OVCH2: variants seen among roughly 807,000 people sequenced by gnomAD.
The protein encoded by OVCH2 is ovochymase-2.
Under a neutral mutation model 73.7 loss-of-function variants are expected in OVCH2, and 88 were observed. That is an observed-to-expected ratio of 1.19 (90% CI 1.01 to 1.43). OVCH2 has a LOEUF of 1.43. Among genes scored for constraint, OVCH2 ranks in the 40% most tolerant of loss-of-function variants. OVCH2 has a pLI of 0.00. For missense variants in OVCH2, 706 were observed against 674.5 expected, an observed-to-expected ratio of 1.05 and a Z score of -0.52; for synonymous variants, 265 against 234.5, an observed-to-expected ratio of 1.13 and a Z score of -1.19.
the OVCH2 span, among the ~76,000 whole-genome samples, chr11:7,681,853 C>CAAAAA: frequency 4.3e-5 from 4 of 93,006 alleles, no homozygotes; most frequent in Non-Finnish European, 7.0e-5. Context: ...GGGAAATGTC[C>CAAAAA]AAAAAAAAAA....
chr11:7,695,304 C>G lies in OVCH2; in HGVS notation c.1283-116G>C, dbSNP rs565085418. The stretch of plus-strand genomic sequence containing the variant: ...ATATCAATTGCATTTTCAGACACTG[C>G]GAACAAGAAAAGACGTAGTGCATGA... On this transcript the variant is annotated intron_variant, in intron 11 of 15. Transcript: ENST00000533663. 5.2e-5 allele frequency: 66 copies of G among 1,278,938 alleles called. No homozygotes were observed. In the East Asian group the frequency reaches 1.4e-3, roughly 27 times the overall value. The allele number at this position is 1,278,938 out of a possible 1,614,324, so 79.2% of individuals were successfully genotyped here. A position where few individuals can be genotyped will look rare whatever the true frequency, so the allele number is the denominator to read the frequency against.
Position 7,696,807 on chromosome 11 carries a change from G to A in OVCH2, c.926-8C>T, listed in dbSNP as rs917218283. Reference sequence around the variant, plus strand: ...CCTGCTCACTGCACCAGGCTGGGAGGGAAAGCCAGGAGAGTCAGGGTTAGT... The same window carrying A: ...CCTGCTCACTGCACCAGGCTGGGAGAGAAAGCCAGGAGAGTCAGGGTTAGT... On this transcript the variant is annotated splice_region_variant and splice_polypyrimidine_tract_variant and intron_variant, in intron 8 of 15. Transcript: ENST00000533663. The A allele has an allele frequency of 1.9e-6, 3 of 1,600,648 alleles. No individual in the cohort carries two copies. Among genetic ancestry groups the A allele is most frequent in the South Asian group, 1.1e-5 (1 of 88,796 alleles).
chr11:7,698,312 T>C (rs889203860), intron 8 of OVCH2, among the ~76,000 whole-genome samples: 1 of 152,232 alleles, frequency 6.6e-6, no homozygotes, highest in African/African-American at 2.4e-5. Flanking sequence ...AGAGACCATC[T>C]GGCCCACACT....
At chr11:7,692,457 T>C (rs1384823934) in intron 12 of OVCH2, among the ~76,000 whole-genome samples, 1 of 152,214 alleles carries the variant, frequency 6.6e-6, no homozygotes, top group African/African-American at 2.4e-5. Flanking sequence ...CGTGTCTTTC[T>C]ACCCAGCGGG....
At position 7,701,818 on chromosome 11, in the gene OVCH2, A is replaced by G; in HGVS notation, c.464-7T>C. ...ATGGGCCCCACAAAGTGGCCTGAAG[A>G]AAAGAGCAAGGTAGGGCTTGTCTCA... On this transcript the variant is annotated splice_region_variant and splice_polypyrimidine_tract_variant and intron_variant, in intron 4 of 15. Transcript: ENST00000533663. The G allele has an allele frequency of 1.2e-6, 2 of 1,604,882 alleles. No homozygotes were observed. The highest frequency in any genetic ancestry group is 1.7e-6 in the Non-Finnish European group (2 of 1,175,314).
Position 7,689,994 on chromosome 11 carries a change from G to GAATCA in OVCH2, c.1658_1659insTGATT (p.Ser554AspfsTer31). ...ACATTGATTCATCCTCTGATATGGAGATGTTTAAATCTGGGTATACTGGGT... is the reference window on the plus strand; with the variant it reads ...ACATTGATTCATCCTCTGATATGGAGAATCAATGTTTAAATCTGGGTATACTGGGT... On this transcript the variant is annotated frameshift_variant, in exon 15 of 16. Coordinates refer to ENST00000533663, the MANE Select transcript of OVCH2 (RefSeq NM_198185.7). LOFTEE classifies it high-confidence loss of function. 1 of 1,524,696 alleles carries GAATCA rather than the reference G, an allele frequency of 6.6e-7. No individual in the cohort carries two copies. Among genetic ancestry groups the GAATCA allele is most frequent in the Non-Finnish European group, 8.8e-7 (1 of 1,136,644 alleles). The allele number at this position is 1,524,696 out of a possible 1,614,324, so 94.4% of individuals were successfully genotyped here.
chr11:7,696,434 T>G, intron 10 of OVCH2, 31 bp downstream of exon 10: 1 of 1,613,394 alleles, frequency 6.2e-7, no homozygotes. Context: ...TTGGCACTGG[T>G]TTCCATTTGA....
the OVCH2 span, among the ~76,000 whole-genome samples, chr11:7,680,053 A>G: frequency 6.6e-6 from 1 of 151,810 alleles, no homozygotes; most frequent in African/African-American, 2.4e-5. Flanking sequence ...AAAATGATCA[A>G]CATAACTAAC....
At position 7,700,485 on chromosome 11, in the gene OVCH2, C is replaced by T. The variant is rs1363437445; in HGVS notation, c.712G>A (p.Gly238Arg). 1.3e-6 allele frequency: 2 copies of T among 1,598,766 alleles called. No homozygotes were observed. The highest frequency in any genetic ancestry group is 1.7e-5 in the Admixed American group (1 of 57,518). ...FPDGGRDACQGDSGGSLMCRN... is the reference protein window; with the variant it reads ...FPDGGRDACQRDSGGSLMCRN... ...CACATGAGTGAACCTCCTGAATCTCCCTGCAGAGGGAAAAAGCCTCTATTA... is the reference window on the plus strand; with the variant it reads ...CACATGAGTGAACCTCCTGAATCTCTCTGCAGAGGGAAAAAGCCTCTATTA... Residue 238 changes from glycine to arginine, a missense_variant and splice_region_variant, in exon 7 of 16, where the codon GGA becomes AGA. By Grantham distance (125) the Gly-to-Arg change is moderately radical (BLOSUM62 -2). Transcript: ENST00000533663.
rs960576778 is a variant in OVCH2 at position 7,695,613 on chromosome 11, C to T, written c.1239G>A (p.Gly413=). ...TAAGAGCTTTATAGGTAAGATTAAA[C>T]CCAGCTGCATTATCTGTGGCATCAG... ...FVSDATDNAA[G]FNLTYKALKP... The change falls in exon 11 of 16, where the codon GGG becomes GGA. Residue 413 remains glycine (G), a synonymous_variant. Coordinates refer to ENST00000533663, the MANE Select transcript of OVCH2 (RefSeq NM_198185.7). The T allele has an allele frequency of 6.2e-7, 1 of 1,613,166 alleles. No individual in the cohort carries two copies. The highest frequency in any genetic ancestry group is 1.1e-5 in the South Asian group (1 of 91,064).
Position 7,694,608 on chromosome 11 carries a change from T to TTTTG in OVCH2, c.1413+446_1413+449dup, listed in dbSNP as rs398115023. On this transcript the variant is annotated intron_variant, in intron 12 of 15. Transcript: ENST00000533663. ...GGACTAAAAGTCACCAACACAAAGT[T>TTTTG]TTTGTTTTGTTTTGTTTTGTTTTGT... Among the ~76,000 whole-genome samples, 252 of 74,740 alleles carry TTTTG rather than the reference T, an allele frequency of 3.4e-3. 1 individual carries two copies. The highest frequency in any genetic ancestry group is 5.7e-3 in the African/African-American group (97 of 16,904). 49.0% of individuals were successfully genotyped at this position (74,740 alleles called of 152,430 possible).
chr11:7,704,776 A>G, intron 1 of OVCH2, 102 bp from the exon 2 acceptor site: 2 of 724,340 alleles, frequency 2.8e-6, no homozygotes, highest in South Asian at 3.6e-5. Flanking sequence ...ACTATGGTGT[A>G]TGGTGCTCAG....
At chr11:7,703,871 C>T in intron 2 of OVCH2, 82 bp from the exon 3 acceptor site, 1 of 1,074,644 alleles carries the variant, frequency 9.3e-7, no homozygotes, top group Non-Finnish European at 1.4e-6. Flanking sequence ...ATTCTCAAAA[C>T]CAGACTCAGA....
downstream of OVCH2, among the ~76,000 whole-genome samples, chr11:7,688,767 T>A (rs1431760424): frequency 6.6e-6 from 1 of 152,260 alleles, no homozygotes; most frequent in South Asian, 2.1e-4. Context: ...TGGAACAAGA[T>A]GTCACTTATA....
Position 7,703,703 on chromosome 11 carries a change from T to G in OVCH2, c.285A>C (p.Ala95=), listed in dbSNP as rs747458932. The change falls in exon 3 of 16, where the codon GCA becomes GCC. Residue 95 remains alanine, a synonymous_variant. Transcript: ENST00000533663. ...ATGGGCTAGGCCTTTCTTACCTGTT[T>G]GCAATGCAGTGAGCCGCCGTGATCA... ...QWVITAAHCI[A]NRNIVSTLNV... is the part of the protein sequence containing the mutation. The G allele has an allele frequency of 6.2e-7, 1 of 1,602,738 alleles. No individual in the cohort carries two copies. Among genetic ancestry groups the G allele is most frequent in the South Asian group, 1.1e-5 (1 of 88,468 alleles).
chr11:7,682,632 G>A, the OVCH2 span, among the ~76,000 whole-genome samples: 1 of 152,188 alleles, frequency 6.6e-6, no homozygotes, highest in Non-Finnish European at 1.5e-5. Context: ...TTGTGTCCTA[G>A]CTCTCTTTTC....
intron 7 of OVCH2, 158 bp from the exon 8 acceptor site, chr11:7,698,931 G>A: frequency 1.5e-6 from 1 of 658,308 alleles, no homozygotes; most frequent in Non-Finnish European, 2.6e-6. Flanking sequence ...AATGGATAAA[G>A]TAGGAAAGGG....
In OVCH2 at chr11:7,695,844, G is replaced by A. The variant is rs187132494; in HGVS notation, c.1142-134C>T. ...AAAGTTTCTCAGTCTTGTCACAATT[G>A]ACATTTTGAGCCAGAACCTTCTTTG... On this transcript the variant is annotated intron_variant, in intron 10 of 15. Coordinates refer to ENST00000533663, the MANE Select transcript of OVCH2 (RefSeq NM_198185.7). The A allele has an allele frequency of 1.0e-4, 122 of 1,214,120 alleles. No homozygotes were observed. The East Asian group carries it at 2.8e-3, about 28-fold the overall frequency. The allele number at this position is 1,214,120 out of a possible 1,614,324, so 75.2% of individuals were successfully genotyped here.
At chr11:7,683,327 C>G in the OVCH2 span, among the ~76,000 whole-genome samples, 3 of 152,134 alleles carry the variant, frequency 2.0e-5, no homozygotes, top group Non-Finnish European at 4.4e-5. Context: ...TCCAGTTGAT[C>G]AGGCCAAAAG....
Sources: allele counts gnomAD v4.1 joint callset (sites outside exome capture counted in the v4.1 genomes callset), GRCh38; gene constraint gnomAD v4.1.1; transcripts MANE v1.5; gene names NCBI Gene and HGNC (gene_info 2026-07-23, HGNC 2026-07-21).